PTCH1: variants seen among roughly 807,000 people sequenced by gnomAD.
PTCH1 encodes the protein protein patched homolog 1.
A neutral mutation model predicts 144.6 loss-of-function variants in PTCH1; 14 were observed. The observed-to-expected ratio is 0.10, with a 90% CI of 0.06 to 0.15. The LOEUF is 0.15. Ranked by LOEUF, PTCH1 falls within the 10% of genes least tolerant of loss-of-function variation. PTCH1 has a pLI of 1.00. For missense variants in PTCH1, 1,623 were observed against 1,948.3 expected (o/e 0.83, Z 3.14); for synonymous variants, 833 against 793.6 (o/e 1.05, Z -0.83).
intron 19 of PTCH1, 61 bp from the exon 20 acceptor site, chr9:95,453,681 T>G: frequency 6.2e-7 from 1 of 1,603,648 alleles, no homozygotes; most frequent in Non-Finnish European, 8.5e-7. Flanking sequence ...AATGCTCAGC[T>G]CTGTCCTAAA....
At chr9:95,509,873 G>A (rs1252010314), upstream of PTCH1, among the ~76,000 whole-genome samples, 3 of 152,066 alleles carry the variant, frequency 2.0e-5, no homozygotes, top group Admixed American at 2.0e-4. Context: ...GAAGACTTAG[G>A]CTCTTGCAGG....
At chr9:95,446,825 C>T (rs537791155) in intron 23 of PTCH1, 86 bp downstream of exon 23, 93 of 1,575,000 alleles carry the variant, frequency 5.9e-5, no homozygotes, top group African/African-American at 2.6e-4. Flanking sequence ...CACAGCCCCT[C>T]GGGGATGCCG....
intron 2 of PTCH1, among the ~76,000 whole-genome samples, chr9:95,490,429 T>C (rs1842302799): frequency 6.6e-6 from 1 of 151,748 alleles, no homozygotes; most frequent in African/African-American, 2.4e-5. Flanking sequence ...TGCAGTGCAC[T>C]GTGACTGTGT....
rs2117951860 is a variant in PTCH1, at chr9:95,467,184, T to C, written c.2492A>G (p.Tyr831Cys). The C allele has an allele frequency of 2.5e-6, 4 of 1,614,242 alleles. No homozygotes were observed. The highest frequency in any genetic ancestry group is 3.4e-6 in the Non-Finnish European group (4 of 1,180,034). Residue 831 changes from tyrosine (Y) to cysteine (C), a missense_variant, in exon 15 of 24, where the codon TAT (tyrosine) becomes TGT (cysteine). By Grantham distance (194) the Tyr-to-Cys change is radical. Transcript: ENST00000331920. ...DLHRSFSNVK[Y>C]VMLEENKQLP... ...CTGTTTGTTTTCTTCCAACATGACATACTTCACGTTACTGAAACTCCTGTG... is the reference window on the plus strand; with the variant it reads ...CTGTTTGTTTTCTTCCAACATGACACACTTCACGTTACTGAAACTCCTGTG...
In PTCH1 at chr9:95,445,570, C is replaced by G. The variant is rs867269158; in HGVS notation, c.*823G>C. 3 of 152,316 alleles carry G rather than the reference C, an allele frequency of 2.0e-5. No homozygotes were observed. The South Asian group carries it at 6.2e-4, about 32-fold the overall frequency. The allele number at this position is 152,316 out of a possible 1,614,324, so 9.4% of individuals were successfully genotyped here. ...ATGATCATAAGAGATGCCGTAGACA[C>G]GAGGAGAGTCTAGCTTTTGCCGGGC... On this transcript the variant is annotated 3_prime_UTR_variant, in exon 24 of 24. Transcript: ENST00000331920.
At position 95,508,250 on chromosome 9, in the gene PTCH1, C is replaced by G. The variant is rs45574039; in HGVS notation, c.112G>C (p.Gly38Arg). The part of the protein sequence containing the change: ...AGGGRRRRTG[G>R]LRRAAAPDRD... ...TCCGGCGCGGCAGCACGGCGCAGCC[C>G]CCCCGTCCGTCTGCGCCTCCCGCCT... Residue 38 changes from glycine (G) to arginine (R), a missense_variant, in exon 1 of 24, where the codon GGG becomes CGG. Physicochemically the swap from Gly to Arg is moderately radical, Grantham distance 125. Coordinates refer to ENST00000331920, the MANE Select transcript of PTCH1 (RefSeq NM_000264.5). 16 of 1,602,270 alleles carry G rather than the reference C, an allele frequency of 1.0e-5. No homozygotes were observed. The highest frequency in any genetic ancestry group is 1.3e-5 in the Non-Finnish European group (15 of 1,176,246).
chr9:95,459,994 AAC>A (rs1839325425), intron 16 of PTCH1: 2 of 624,194 alleles, frequency 3.2e-6, no homozygotes, highest in Non-Finnish European at 5.7e-6. Context: ...GTTTATAACA[AAC>A]ACAGTTCTGC....
chr9:95,494,222 C>A (rs1842643533), intron 2 of PTCH1: 2 of 985,688 alleles, frequency 2.0e-6, no homozygotes, highest in South Asian at 9.4e-5. Flanking sequence ...ATCAGCCTTG[C>A]CCAGGCTGCT....
upstream of PTCH1, among the ~76,000 whole-genome samples, chr9:95,511,195 C>T (rs1312539487): frequency 1.3e-5 from 2 of 150,670 alleles, no homozygotes; most frequent in South Asian, 2.1e-4. Context: ...CCACGCGGCT[C>T]CCGCAGGGGG....
rs11575912 is a variant in PTCH1 at position 95,461,819 on chromosome 9, C to A, written c.2703+37G>T. ...CTCCACCAGGGCAGCGGCCCCGCAG[C>A]CCTGGAAGCGCCCTCAGTGCCCAGC... is the stretch of plus-strand genomic sequence containing the variant. On this transcript the variant is annotated intron_variant, in intron 16 of 23. Transcript: ENST00000331920. The A allele has an allele frequency of 2.7e-4, 440 of 1,613,186 alleles. 4 individuals carry two copies. In the South Asian group the frequency reaches 4.6e-3, roughly 17 times the overall value.
chr9:95,502,214 C>CTA (rs1843197706), intron 2 of PTCH1, among the ~76,000 whole-genome samples: 1 of 152,208 alleles, frequency 6.6e-6, no homozygotes, highest in African/African-American at 2.4e-5. Flanking sequence ...AGGCCTCCAC[C>CTA]CTTGAGGCCA....
intron 2 of PTCH1, among the ~76,000 whole-genome samples, chr9:95,493,155 C>T (rs1227573337): frequency 6.6e-6 from 1 of 152,196 alleles, no homozygotes. Flanking sequence ...GCCCATACTT[C>T]TAGGCCAATA....
At chr9:95,510,672 T>C (rs537933962), upstream of PTCH1, among the ~76,000 whole-genome samples, 169 of 149,306 alleles carry the variant, frequency 1.1e-3, no homozygotes, top group African/African-American at 4.1e-3. Flanking sequence ...TAGCGAGAAG[T>C]CTAGTGAAGT....
chr9:95,447,316 G>A lies in PTCH1; in HGVS notation c.3940C>T (p.Pro1314Ser), dbSNP rs574856671. The A allele has an allele frequency of 1.8e-4, 292 of 1,613,266 alleles. 1 individual carries two copies. In the South Asian group the frequency reaches 2.9e-3, roughly 16 times the overall value. The change falls in exon 23 of 24, where the codon CCC becomes TCC. Residue 1314 changes from proline (P) to serine (S), a missense_variant. Transcript: ENST00000331920. ...RDPPREGLWPPPYRPRRDAFE... is the reference protein window; with the variant it reads ...RDPPREGLWPSPYRPRRDAFE... Reference sequence around the variant, plus strand: ...GCGTCTCTGCGCGGTCTGTAGGGGGGTGGCCACAAGCCTTCTCTGGGGGGG... The same window carrying A: ...GCGTCTCTGCGCGGTCTGTAGGGGGATGGCCACAAGCCTTCTCTGGGGGGG...
chr9:95,516,785 CACAATT>C (rs765324816), exon 1 of PTCH1: 2 of 1,612,406 alleles, frequency 1.2e-6, no homozygotes, highest in South Asian at 2.2e-5. Context: ...AGCGCGGACT[CACAATT>C]ACAAGCCTGT....
rs1554695616 is a variant in PTCH1 at position 95,469,913 on chromosome 9, A to G, written c.1747T>C (p.Phe583Leu). 1.9e-6 allele frequency: 3 copies of G among 1,614,060 alleles called. No individual in the cohort carries two copies. The highest frequency in any genetic ancestry group is 2.5e-6 in the Non-Finnish European group (3 of 1,179,954). Residue 583 changes from phenylalanine to leucine, a missense_variant, in exon 13 of 24, where the codon TTC (phenylalanine) becomes CTC (leucine). By Grantham distance (22) the Phe-to-Leu change is conservative. Coordinates refer to ENST00000331920, the MANE Select transcript of PTCH1 (RefSeq NM_000264.5). ...ATGAGCAGAACCATGGCAAAATTGAACACCACTACTACCGCTGCCTGGGAG... is the reference window on the plus strand; with the variant it reads ...ATGAGCAGAACCATGGCAAAATTGAGCACCACTACTACCGCTGCCTGGGAG... ...FSLQAAVVVV[F>L]NFAMVLLIFP...
At chr9:95,479,869 A>C (rs1239025573) in intron 7 of PTCH1, 100 bp downstream of exon 7, 2 of 1,571,848 alleles carry the variant, frequency 1.3e-6, no homozygotes, top group African/African-American at 2.7e-5. Flanking sequence ...TAACGGTTTA[A>C]GTATTAATAC....
chr9:95,508,038 AGTGAGT>A (rs1291744956), intron 1 of PTCH1, 117 bp downstream of exon 1: 480 of 1,355,088 alleles, frequency 3.5e-4, no homozygotes, highest in Non-Finnish European at 4.3e-4. Flanking sequence ...GAGAGGTGTG[AGTGAGT>A]GTGTGTGTGT....
chr9:95,485,372 A>G (rs1029583976), intron 3 of PTCH1, among the ~76,000 whole-genome samples: 3 of 152,064 alleles, frequency 2.0e-5, no homozygotes, highest in African/African-American at 7.2e-5. Context: ...CTCTCCAAAA[A>G]TCTCTTAAGC....
Sources: allele counts gnomAD v4.1 joint callset (sites outside exome capture counted in the v4.1 genomes callset), GRCh38; gene constraint gnomAD v4.1.1; transcripts MANE v1.5; gene names NCBI Gene and HGNC (gene_info 2026-07-23, HGNC 2026-07-21).